Variants in CNKSR1 observed in about 807,000 individuals in gnomAD.
The protein encoded by CNKSR1 is connector enhancer of kinase suppressor of Ras 1, also known as CNK homolog protein 1.
In CNKSR1, 88 loss-of-function variants were observed where a neutral mutation model predicts 95.6. The observed-to-expected ratio is 0.92, with a 90% CI of 0.78 to 1.10. The LOEUF (loss-of-function observed/expected upper bound fraction) is 1.10. Ranked by LOEUF, CNKSR1 falls within the 50% of genes least tolerant of loss-of-function variation. CNKSR1 has a pLI of 0.00. For synonymous variants in CNKSR1, 355 were observed against 369.7 expected (o/e 0.96, Z 0.46); for missense variants, 836 against 912.0 (o/e 0.92, Z 1.07).
In CNKSR1 at chr1:26,182,526, C is replaced by T. The variant is rs1426808244; in HGVS notation, c.566C>T (p.Pro189Leu). 1 of 1,613,960 alleles carries T rather than the reference C, an allele frequency of 6.2e-7. No homozygotes were observed. The change falls in exon 6 of 21, where the codon CCC (proline) becomes CTC (leucine). Residue 189 changes from proline to leucine, a missense_variant. Coordinates refer to ENST00000361530, the MANE Select transcript of CNKSR1 (RefSeq NM_006314.3). ...GICHNILVCC[P>L]KELLEQKAVL... ...TGCCACAACATCCTGGTCTGCTGCC[C>T]CAAGGAGCTGCTGGAACAGAAGGCC...
Position 26,189,068 on chromosome 1 carries a change from G to A in CNKSR1, c.1872+115G>A, listed in dbSNP as rs147802592. The A allele has an allele frequency of 1.2e-3, 1,614 of 1,349,426 alleles. 24 individuals are homozygous for A. The East Asian group carries it at 0.031, about 26-fold the overall frequency. The allele number at this position is 1,349,426 out of a possible 1,614,324, so 83.6% of individuals were successfully genotyped here. On this transcript the variant is annotated intron_variant, in intron 20 of 20. Transcript: ENST00000361530. ...ACTCCAGACTCCAGACTCAGCTCCG[G>A]ACCCTGGGCTTAGCAGCTGACAGCG...
At chr1:26,181,280 CAAAAAAA>C (rs11392737) in intron 3 of CNKSR1, among the ~76,000 whole-genome samples, 1 of 49,158 alleles carries the variant, frequency 2.0e-5, no homozygotes, top group Non-Finnish European at 4.2e-5. Context: ...GACTCCCTCT[CAAAAAAA>C]AAAAAAAAAA....
rs889742446 is a variant in CNKSR1, at chr1:26,189,691, C to G, written c.*143C>G. On this transcript the variant is annotated 3_prime_UTR_variant, in exon 21 of 21. Coordinates refer to ENST00000361530, the MANE Select transcript of CNKSR1 (RefSeq NM_006314.3). ...AGTCATGGTCTCACCCCGAGCTGAC[C>G]CCTCTGCCTGGGCTTTGTGCCACCC... is the stretch of plus-strand genomic sequence containing the variant. 3 of 761,378 alleles carry G rather than the reference C, an allele frequency of 3.9e-6. No homozygotes were observed. The highest frequency in any genetic ancestry group is 7.2e-6 in the Non-Finnish European group (3 of 414,354). The allele number at this position is 761,378 out of a possible 1,614,324, so 47.2% of individuals were successfully genotyped here.
chr1:26,184,461 C>CA lies in CNKSR1; in HGVS notation c.1062dup (p.Ala355SerfsTer11). On this transcript the variant is annotated frameshift_variant, in exon 12 of 21. Coordinates refer to ENST00000361530, the MANE Select transcript of CNKSR1 (RefSeq NM_006314.3). LOFTEE classifies it high-confidence loss of function. ...CCCCCGGAACCCCCAGCCATACTCC[C>CA]AGCAGGGGTAGCAGGGACTCCAGGG... 1 of 1,613,558 alleles carries CA rather than the reference C, an allele frequency of 6.2e-7. No individual in the cohort carries two copies. The highest frequency in any genetic ancestry group is 8.5e-7 in the Non-Finnish European group (1 of 1,179,808).
At position 26,189,330 on chromosome 1, in the gene CNKSR1, C is replaced by G; in HGVS notation, c.1924C>G (p.Leu642Val). Residue 642 changes from leucine to valine, a missense_variant, in exon 21 of 21, where the codon CTG becomes GTG. Leu to Val is a conservative substitution (Grantham distance 32, BLOSUM62 1). Coordinates refer to ENST00000361530, the MANE Select transcript of CNKSR1 (RefSeq NM_006314.3). ...AGAAGAAGTGCTGGGTGACCCTGAGCTGACAGGAGAGAAGTTCCGCCAGTG... is the reference window on the plus strand; with the variant it reads ...AGAAGAAGTGCTGGGTGACCCTGAGGTGACAGGAGAGAAGTTCCGCCAGTG... ...VLEEVLGDPE[L>V]TGEKFRQWKE... The G allele has an allele frequency of 6.2e-7, 1 of 1,614,166 alleles. No homozygotes were observed. The highest frequency in any genetic ancestry group is 8.5e-7 in the Non-Finnish European group (1 of 1,179,998).
chr1:26,187,386 G>A, intron 15 of CNKSR1, 25 bp from the exon 16 acceptor site: 1 of 1,613,942 alleles, frequency 6.2e-7, no homozygotes, highest in Non-Finnish European at 8.5e-7. Context: ...CCCAGGCTGA[G>A]TGATGCTCCT....
At chr1:26,178,451 G>T (rs2088596834) in intron 1 of CNKSR1, among the ~76,000 whole-genome samples, 1 of 152,212 alleles carries the variant, frequency 6.6e-6, no homozygotes, top group Non-Finnish European at 1.5e-5. Flanking sequence ...TCCAGGCTCA[G>T]CGAGCCCACA....
rs757071053 is a variant in CNKSR1 at position 26,188,506 on chromosome 1, G to T, written c.1590+3G>T. 7 of 1,602,936 alleles carry T rather than the reference G, an allele frequency of 4.4e-6. No individual in the cohort carries two copies. The South Asian group carries it at 6.7e-5, about 15-fold the overall frequency. ...AGGCTGGGTCCCACTCAGCCTCGGT[G>T]AGTGGGGGGCTGCCGGGGGTAGGAG... On this transcript the variant is annotated splice_donor_region_variant and intron_variant, in intron 18 of 20. Transcript: ENST00000361530.
rs1380165757 is a variant in CNKSR1 at position 26,184,505 on chromosome 1, A to G, written c.1105A>G (p.Lys369Glu). The change falls in exon 12 of 21, where the codon AAG (lysine) becomes GAG (glutamate). Residue 369 changes from lysine (K) to glutamate (E), a missense_variant and splice_region_variant. Coordinates refer to ENST00000361530, the MANE Select transcript of CNKSR1 (RefSeq NM_006314.3). ...GTPGLPESPD[K>E]SPVGRKKSKG... Reference sequence around the variant, plus strand: ...TCCAGGGCTCCCTGAATCCCCTGACAAGGTAAGCTCAGGGGCTTAGCAAGG... The same window carrying G: ...TCCAGGGCTCCCTGAATCCCCTGACGAGGTAAGCTCAGGGGCTTAGCAAGG... The G allele has an allele frequency of 6.2e-7, 1 of 1,611,532 alleles. No individual in the cohort carries two copies. Among genetic ancestry groups the G allele is most frequent in the Non-Finnish European group, 8.5e-7 (1 of 1,178,862 alleles).
At chr1:26,183,928 C>A in intron 9 of CNKSR1, 98 bp downstream of exon 9, 1 of 542,888 alleles carries the variant, frequency 1.8e-6, no homozygotes, top group Non-Finnish European at 3.4e-6. Flanking sequence ...CCCCCCCCAA[C>A]AGGCACCTTC....
chr1:26,182,215 C>A, intron 4 of CNKSR1, 146 bp from the exon 5 acceptor site: 1 of 846,128 alleles, frequency 1.2e-6, no homozygotes, highest in Non-Finnish European at 1.9e-6. Context: ...CTGGTTAAAA[C>A]GCTGAGGCCC....
At chr1:26,186,049 A>G (rs923096860) in intron 14 of CNKSR1, among the ~76,000 whole-genome samples, 1 of 152,180 alleles carries the variant, frequency 6.6e-6, no homozygotes. Flanking sequence ...TACACACTCA[A>G]GGACAATGTA....
chr1:26,187,044 TAG>T, intron 14 of CNKSR1, 122 bp from the exon 15 acceptor site: 7 of 758,180 alleles, frequency 9.2e-6, no homozygotes, highest in African/African-American at 1.7e-5. Flanking sequence ...AGAGACTTGT[TAG>T]AGAGCCCAGG....
intron 13 of CNKSR1, 41 bp from the exon 14 acceptor site, chr1:26,184,973 T>G (rs1222277716): frequency 6.5e-7 from 1 of 1,550,088 alleles, no homozygotes; most frequent in Non-Finnish European, 8.7e-7. Flanking sequence ...GGGGGCACCT[T>G]GCCAGCCCCT....
At position 26,185,122 on chromosome 1, in the gene CNKSR1, C is replaced by T. The variant is rs375307370; in HGVS notation, c.1244C>T (p.Pro415Leu). 1.3e-5 allele frequency: 20 copies of T among 1,590,530 alleles called. No homozygotes were observed. The highest frequency in any genetic ancestry group is 8.8e-5 in the Admixed American group (5 of 56,528). The part of the protein sequence containing the change: ...LRKAPGGFMG[P>L]RWRRRWFVLK... ...AAGGCACCGGGCGGCTTCATGGGCC[C>T]GCGCTGGCGCCGCCGCTGGTTTGTG... is the stretch of plus-strand genomic sequence containing the variant. The change falls in exon 14 of 21, where the codon CCG becomes CTG. Residue 415 changes from proline to leucine, a missense_variant. By Grantham distance (98) the Pro-to-Leu change is moderately conservative. Coordinates refer to ENST00000361530, the MANE Select transcript of CNKSR1 (RefSeq NM_006314.3).
At chr1:26,179,678 T>C (rs2088614117) in intron 1 of CNKSR1, among the ~76,000 whole-genome samples, 1 of 152,164 alleles carries the variant, frequency 6.6e-6, no homozygotes, top group African/African-American at 2.4e-5. Flanking sequence ...AGAAGGTAGG[T>C]ACTTTTATTA....
chr1:26,183,461 G>A (rs2088681781), intron 8 of CNKSR1, 47 bp downstream of exon 8: 1 of 1,596,606 alleles, frequency 6.3e-7, no homozygotes, highest in Non-Finnish European at 8.6e-7. Context: ...GTCACCGAGT[G>A]GAACCCAAGT....
Position 26,183,225 on chromosome 1 carries a change from G to GC in CNKSR1, c.655dup (p.Gln219ProfsTer14), listed in dbSNP as rs2088676391. ...CTAGAAATTCACACCACCAGCAATT[G>GC]CCAGCACTTTGTGTCCCAAGTGGAC... is the stretch of plus-strand genomic sequence containing the variant. On this transcript the variant is annotated frameshift_variant, in exon 7 of 21. Transcript: ENST00000361530. LOFTEE classifies it high-confidence loss of function. 1 of 1,613,882 alleles carries GC rather than the reference G, an allele frequency of 6.2e-7. No homozygotes were observed. Among genetic ancestry groups the GC allele is most frequent in the Non-Finnish European group, 8.5e-7 (1 of 1,180,016 alleles).
intron 8 of CNKSR1, 44 bp from the exon 9 acceptor site, chr1:26,183,685 G>C: frequency 7.1e-7 from 1 of 1,411,622 alleles, no homozygotes; most frequent in Non-Finnish European, 1.0e-6. Context: ...TTGCTTTAGA[G>C]CCTCCTGCCC....
Sources: gnomAD v4.1 joint callset for allele counts (sites outside exome capture counted in the v4.1 genomes callset) on GRCh38, gnomAD v4.1.1 for gene constraint, MANE v1.5 for transcripts, NCBI Gene and HGNC (gene_info 2026-07-23, HGNC 2026-07-21) for gene names.